Variants in BRWD3 observed in about 807,000 individuals in gnomAD.
The protein encoded by BRWD3 is bromodomain and WD repeat-containing protein 3.
Under a neutral mutation model 149.7 loss-of-function variants are expected in BRWD3, and 10 were observed. The observed-to-expected ratio is 0.07, with a 90% confidence interval of 0.04 to 0.11. The LOEUF (loss-of-function observed/expected upper bound fraction) is 0.11. Ranked by LOEUF, BRWD3 falls within the 10% of genes least tolerant of loss-of-function variation. The pLI, the probability that BRWD3 is intolerant of heterozygous loss-of-function variation, is 1.00. For missense variants in BRWD3, 940 were observed against 1,373.2 expected (o/e 0.68, Z 4.99); for synonymous variants, 504 against 456.7 (o/e 1.10, Z -1.32).
chrX:80,789,867 G>C (rs1459590413), intron 6 of BRWD3, among the ~76,000 whole-genome samples: 4 of 101,025 alleles, frequency 4.0e-5, no homozygotes, highest in Non-Finnish European at 8.0e-5. Context: ...ATAGTTCTAA[G>C]ATTCAACAGA....
At chrX:80,767,752 T>C (rs991022641) in intron 6 of BRWD3, among the ~76,000 whole-genome samples, 2 of 112,117 alleles carry the variant, frequency 1.8e-5, no homozygotes, top group Admixed American at 1.9e-4. Context: ...AGAAGTAGGC[T>C]TCAGAAGGTC....
At chrX:80,740,159 A>G (rs761898201) in intron 8 of BRWD3, among the ~76,000 whole-genome samples, 1 of 111,906 alleles carries the variant, frequency 8.9e-6, no homozygotes, top group Admixed American at 9.5e-5. Flanking sequence ...CCATAAAAAG[A>G]TGATATATTA....
intron 6 of BRWD3, among the ~76,000 whole-genome samples, chrX:80,780,268 G>T (rs765679510): frequency 4.5e-5 from 5 of 109,966 alleles, no homozygotes; most frequent in African/African-American, 1.6e-4. Context: ...TATACTGAAA[G>T]AAAAATCTAA....
intron 8 of BRWD3, among the ~76,000 whole-genome samples, chrX:80,742,269 TA>T (rs2147787572): frequency 9.0e-6 from 1 of 110,730 alleles, no homozygotes; most frequent in East Asian, 2.8e-4. Context: ...CATTGGTCTA[TA>T]TTTCTGTTTT....
At chrX:80,791,795 A>G in intron 6 of BRWD3, 59 bp downstream of exon 6, 2 of 908,679 alleles carry the variant, frequency 2.2e-6, no homozygotes, top group African/African-American at 3.9e-5. Context: ...TGTCTTCCTA[A>G]TGAGTTCAGG....
At chrX:80,789,655 C>T (rs1179919799) in intron 6 of BRWD3, among the ~76,000 whole-genome samples, 16 of 110,638 alleles carry the variant, frequency 1.4e-4, no homozygotes, top group East Asian at 5.8e-4. Context: ...GGATTACAGG[C>T]GTGAGCCACC....
In BRWD3 at chrX:80,741,156, G is replaced by GTGA. The variant is rs1187354926; in HGVS notation, c.813+2875_813+2876insTCA. 1.4e-3 allele frequency among the ~76,000 whole-genome samples: 159 copies of GTGA among 110,310 alleles called. 1 individual carries two copies. The highest frequency in any genetic ancestry group is 2.7e-3 in the Non-Finnish European group (144 of 52,819). Reference sequence around the variant, plus strand: ...TTCCCACCTATGAGTGAGAACATGCGGTGTTCGGTTTTTTGTCCTTGCGAT... The same window carrying GTGA: ...TTCCCACCTATGAGTGAGAACATGCGTGAGTGTTCGGTTTTTTGTCCTTGCGAT... On this transcript the variant is annotated intron_variant, in intron 8 of 40. Coordinates refer to ENST00000373275, the MANE Select transcript of BRWD3 (RefSeq NM_153252.5).
intron 14 of BRWD3, among the ~76,000 whole-genome samples, chrX:80,727,451 T>C (rs62605577): frequency 0.16 from 17,915 of 110,043 alleles, 1,141 homozygotes; most frequent in South Asian, 0.42. Flanking sequence ...ATAGCTAAAT[T>C]GGCTTTCTTT....
chrX:80,725,426 A>G (rs887552082), intron 14 of BRWD3, among the ~76,000 whole-genome samples: 19 of 112,173 alleles, frequency 1.7e-4, no homozygotes, highest in Non-Finnish European at 2.8e-4. Flanking sequence ...TGACACAGTG[A>G]TAAATACAAT....
intron 40 of BRWD3, among the ~76,000 whole-genome samples, chrX:80,678,265 G>C (rs760529349): frequency 9.0e-6 from 1 of 111,686 alleles, no homozygotes; most frequent in East Asian, 2.8e-4. Flanking sequence ...TAATTTCAAA[G>C]GTTGAACTGA....
intron 20 of BRWD3, among the ~76,000 whole-genome samples, chrX:80,713,252 G>A (rs1435619754): frequency 9.0e-6 from 1 of 111,525 alleles, no homozygotes; most frequent in Non-Finnish European, 1.9e-5. Flanking sequence ...ATAGAAAAGG[G>A]GGAAAGGTGG....
intron 8 of BRWD3, among the ~76,000 whole-genome samples, chrX:80,738,565 T>C (rs2073438518): frequency 9.3e-6 from 1 of 107,140 alleles, no homozygotes; most frequent in Non-Finnish European, 1.9e-5. Context: ...AGATGACTAT[T>C]ACTACAGACA....
At chrX:80,730,934 T>G (rs1230120293) in intron 12 of BRWD3, among the ~76,000 whole-genome samples, 1 of 111,720 alleles carries the variant, frequency 9.0e-6, no homozygotes, top group East Asian at 2.8e-4. Flanking sequence ...GTACCAAAAT[T>G]TTTTCAATTA....
chrX:80,676,570 G>A lies in BRWD3; in HGVS notation c.*39C>T. 1 of 1,197,935 alleles carries A rather than the reference G, an allele frequency of 8.3e-7. No individual in the cohort carries two copies. The highest frequency in any genetic ancestry group is 1.8e-5 in the South Asian group (1 of 55,996). ...CCTGGTAAATTCCCTGCAGTAGAAGGCCATTGAATTTTTTAAGTTATTCTA... is the reference window on the plus strand; with the variant it reads ...CCTGGTAAATTCCCTGCAGTAGAAGACCATTGAATTTTTTAAGTTATTCTA... On this transcript the variant is annotated 3_prime_UTR_variant, in exon 41 of 41. Transcript: ENST00000373275.
chrX:80,681,588 A>T lies in BRWD3; in HGVS notation c.4496-89T>A, dbSNP rs900231049. 1.3e-5 allele frequency: 9 copies of T among 689,110 alleles called. No homozygotes were observed. In the East Asian group the frequency reaches 2.8e-4, roughly 21 times the overall value. 56.8% of individuals were successfully genotyped at this position (689,110 alleles called of 1,213,427 possible). ...TACTTTTTGAAACCATATCTCTGTT[A>T]TTTTATTCTAACACCAAAATTATAA... On this transcript the variant is annotated intron_variant, in intron 39 of 40. Transcript: ENST00000373275.
chrX:80,796,783 CT>C (rs1159025743), intron 4 of BRWD3, among the ~76,000 whole-genome samples: 1 of 111,758 alleles, frequency 8.9e-6, no homozygotes, highest in Admixed American at 9.6e-5. Context: ...ATTCTCACAT[CT>C]TTAGTTTTTC....
chrX:80,781,033 C>T (rs974136971), intron 6 of BRWD3, among the ~76,000 whole-genome samples: 4 of 112,109 alleles, frequency 3.6e-5, no homozygotes, highest in Non-Finnish European at 7.5e-5. Context: ...TAGAGCAACA[C>T]GTAAATATTA....
At chrX:80,696,605 T>A in intron 26 of BRWD3, 134 bp downstream of exon 26, 1 of 704,855 alleles carries the variant, frequency 1.4e-6, no homozygotes, top group South Asian at 2.4e-5. Context: ...AATTAAACTC[T>A]GGTCTTTATA....
chrX:80,682,173 G>A (rs2072458038), intron 38 of BRWD3, 79 bp from the exon 39 acceptor site: 6 of 835,839 alleles, frequency 7.2e-6, no homozygotes, highest in South Asian at 2.1e-5. Context: ...ATGATACAAA[G>A]AGGTATCAAG....
Sources: allele counts gnomAD v4.1 joint callset (sites outside exome capture counted in the v4.1 genomes callset), GRCh38; gene constraint gnomAD v4.1.1; transcripts MANE v1.5; gene names NCBI Gene and HGNC (gene_info 2026-07-23, HGNC 2026-07-21).